WSCD2: variants seen among roughly 807,000 people sequenced by gnomAD.
WSCD2 encodes WSC domain sialate O sulfotransferase 2, also known as sialate:O-sulfotransferase 2.
Under a neutral mutation model 55.7 loss-of-function variants are expected in WSCD2, and 28 were observed. That is an observed-to-expected ratio of 0.50 (90% CI 0.37 to 0.69). WSCD2 has a LOEUF of 0.69. Among genes scored for constraint, WSCD2 ranks in the 30% least tolerant of loss-of-function variants. The probability of loss-of-function intolerance (pLI) is 0.00; values close to 1 mark genes in which losing one functional copy is unlikely to be tolerated. For synonymous variants in WSCD2, 301 were observed against 301.9 expected, an observed-to-expected ratio of 1.00 and a Z score of 0.03; for missense variants, 616 against 762.1, an observed-to-expected ratio of 0.81 and a Z score of 2.26.
chr12:108,166,842 C>T (rs1295953710), intron 1 of WSCD2, among the ~76,000 whole-genome samples: 8 of 131,136 alleles, frequency 6.1e-5, no homozygotes, highest in African/African-American at 2.3e-4. Flanking sequence ...GACAGAGTCT[C>T]GCTCTGTTGC....
chr12:108,201,898 T>C (rs532791821), intron 2 of WSCD2, among the ~76,000 whole-genome samples: 1 of 152,292 alleles, frequency 6.6e-6, no homozygotes, highest in African/African-American at 2.4e-5. Context: ...GTTTCTCTAC[T>C]GGAGATAAAT....
At chr12:108,160,617 G>T (rs1878963594) in intron 1 of WSCD2, among the ~76,000 whole-genome samples, 1 of 152,120 alleles carries the variant, frequency 6.6e-6, no homozygotes, top group Admixed American at 6.5e-5. Context: ...AGAGAAATCT[G>T]CCCCCATGAT....
At chr12:108,223,906 C>A (rs978428915) in intron 4 of WSCD2, among the ~76,000 whole-genome samples, 1 of 152,156 alleles carries the variant, frequency 6.6e-6, no homozygotes, top group East Asian at 1.9e-4. Flanking sequence ...TGATCCCTGC[C>A]GTGAGACCAG....
intron 4 of WSCD2, among the ~76,000 whole-genome samples, chr12:108,223,433 C>T (rs1433444617): frequency 2.0e-5 from 3 of 152,140 alleles, no homozygotes; most frequent in African/African-American, 4.8e-5. Flanking sequence ...GCTAAAATAA[C>T]CTTTAACACC....
intron 1 of WSCD2, among the ~76,000 whole-genome samples, chr12:108,130,481 T>TGA (rs1875385558): frequency 5.5e-5 from 3 of 54,264 alleles, no homozygotes; most frequent in African/African-American, 1.4e-4. Flanking sequence ...CTGGGGTGTG[T>TGA]GTGTGTGTGT....
chr12:108,246,537 C>T (rs4964669), intron 8 of WSCD2, among the ~76,000 whole-genome samples: 1,847 of 152,264 alleles, frequency 0.012, 49 homozygotes, highest in Admixed American at 0.064. Flanking sequence ...CTGCACTTTC[C>T]CCAGCTCCTC....
In WSCD2 at chr12:108,240,435, C is replaced by G; in HGVS notation, c.1236C>G (p.Asp412Glu). 3 of 1,614,150 alleles carry G rather than the reference C, an allele frequency of 1.9e-6. No individual in the cohort carries two copies. The highest frequency in any genetic ancestry group is 2.5e-6 in the Non-Finnish European group (3 of 1,180,044). Residue 412 changes from aspartate to glutamate, a missense_variant, in exon 8 of 9, where the codon GAC becomes GAG. Asp to Glu is a conservative substitution (Grantham distance 45, BLOSUM62 2). Coordinates refer to ENST00000547525, the MANE Select transcript of WSCD2 (RefSeq NM_014653.4). The part of the protein sequence containing the change: ...ESGQKEIEAF[D>E]AAILLIRNPY... ...GCCAGAAAGAGATCGAGGCCTTCGACGCCGCCATCCTGCTCATCCGCAACC... is the reference window on the plus strand; with the variant it reads ...GCCAGAAAGAGATCGAGGCCTTCGAGGCCGCCATCCTGCTCATCCGCAACC...
At chr12:108,213,538 G>T (rs1356637283) in intron 4 of WSCD2, among the ~76,000 whole-genome samples, 1 of 152,184 alleles carries the variant, frequency 6.6e-6, no homozygotes, top group Non-Finnish European at 1.5e-5. Flanking sequence ...AGCACTGGGG[G>T]AGGCTCCACA....
chr12:108,237,615 C>T (rs1168380521), intron 7 of WSCD2, among the ~76,000 whole-genome samples: 1 of 152,174 alleles, frequency 6.6e-6, no homozygotes, highest in African/African-American at 2.4e-5. Context: ...TCAGGCAAAC[C>T]TATTCTATGT....
At chr12:108,163,707 G>A (rs1312617748) in intron 1 of WSCD2, among the ~76,000 whole-genome samples, 5 of 152,148 alleles carry the variant, frequency 3.3e-5, no homozygotes, top group Non-Finnish European at 2.9e-5. Context: ...GGAAGGGGAG[G>A]GGCCAGGAGC....
At chr12:108,148,707 C>T (rs1470501223) in intron 1 of WSCD2, among the ~76,000 whole-genome samples, 1 of 152,110 alleles carries the variant, frequency 6.6e-6, no homozygotes, top group Non-Finnish European at 1.5e-5. Context: ...GAAGTCTTTG[C>T]AAGCGTTAGA....
At chr12:108,236,738 C>G (rs1761187815) in intron 7 of WSCD2, among the ~76,000 whole-genome samples, 3 of 152,006 alleles carry the variant, frequency 2.0e-5, no homozygotes, top group Admixed American at 2.0e-4. Context: ...CATTTTATTT[C>G]TGTGTCTGTT....
intron 1 of WSCD2, among the ~76,000 whole-genome samples, chr12:108,147,431 A>T (rs1877508428): frequency 1.3e-5 from 2 of 152,104 alleles, no homozygotes; most frequent in Admixed American, 1.3e-4. Context: ...AGAAGGGAAT[A>T]GAGGTGTAAA....
intron 2 of WSCD2, among the ~76,000 whole-genome samples, chr12:108,203,002 G>A (rs1009456911): frequency 6.6e-6 from 1 of 152,142 alleles, no homozygotes; most frequent in Non-Finnish European, 1.5e-5. Flanking sequence ...CTCCTCCCAA[G>A]ACATCTCCTC....
At position 108,249,062 on chromosome 12, in the gene WSCD2, C is replaced by A; in HGVS notation, c.*719C>A. The A allele has an allele frequency of 2.9e-6, 1 of 346,848 alleles. No homozygotes were observed. Among genetic ancestry groups the A allele is most frequent in the Non-Finnish European group, 4.1e-6 (1 of 245,650 alleles). 21.5% of individuals were successfully genotyped at this position (346,848 alleles called of 1,614,324 possible). A position where few individuals can be genotyped will look rare whatever the true frequency, so the allele number is the denominator to read the frequency against. Reference sequence around the variant, plus strand: ...GGCATGAACCCTGCCCCTTTCTATCCATGCTGTGTCCAGGAGGTGACCTTG... The same window carrying A: ...GGCATGAACCCTGCCCCTTTCTATCAATGCTGTGTCCAGGAGGTGACCTTG... On this transcript the variant is annotated 3_prime_UTR_variant, in exon 9 of 9. Coordinates refer to ENST00000547525, the MANE Select transcript of WSCD2 (RefSeq NM_014653.4).
chr12:108,185,360 C>T (rs1882323803), intron 1 of WSCD2, among the ~76,000 whole-genome samples: 1 of 152,180 alleles, frequency 6.6e-6, no homozygotes, highest in African/African-American at 2.4e-5. Flanking sequence ...CCCCCACTGA[C>T]CTTTTTCCAC....
intron 1 of WSCD2, among the ~76,000 whole-genome samples, chr12:108,132,530 G>C (rs146185677): frequency 6.6e-6 from 1 of 152,114 alleles, no homozygotes; most frequent in Non-Finnish European, 1.5e-5. Flanking sequence ...GTGAGTGTGC[G>C]TGTGCATGCC....
chr12:108,244,708 G>C (rs1411357917), intron 8 of WSCD2: 2 of 680,380 alleles, frequency 2.9e-6, no homozygotes, highest in Admixed American at 4.0e-5. Flanking sequence ...TCTGACTGCA[G>C]AATCATCTAT....
chr12:108,244,229 C>A (rs1280153441), intron 8 of WSCD2, among the ~76,000 whole-genome samples: 1 of 152,176 alleles, frequency 6.6e-6, no homozygotes, highest in African/African-American at 2.4e-5. Context: ...TTGCAGACAG[C>A]AATCAATGAT....
Sources: allele counts gnomAD v4.1 joint callset (sites outside exome capture counted in the v4.1 genomes callset), GRCh38; gene constraint gnomAD v4.1.1; transcripts MANE v1.5; gene names NCBI Gene and HGNC (gene_info 2026-07-23, HGNC 2026-07-21).